PRDM16: variants seen among roughly 807,000 people sequenced by gnomAD.
PRDM16 encodes the protein histone-lysine N-methyltransferase PRDM16.
PRDM16 carries 23 observed loss-of-function variants against 110.6 expected under a neutral mutation model. The observed-to-expected ratio is 0.21, with a 90% CI of 0.15 to 0.29. The LOEUF is 0.29. Among genes scored for constraint, PRDM16 ranks in the 10% least tolerant of loss-of-function variants. The pLI, the probability that PRDM16 is intolerant of heterozygous loss-of-function variation, is 1.00. For synonymous variants in PRDM16, 799 were observed against 781.8 expected (o/e 1.02, Z -0.37); for missense variants, 1,615 against 1,794.3 (o/e 0.90, Z 1.81).
chr1:3,288,419 G>A (rs1005225013), intron 3 of PRDM16, among the ~76,000 whole-genome samples: 10 of 152,132 alleles, frequency 6.6e-5, no homozygotes, highest in East Asian at 3.9e-4. Context: ...TATGTCCCAC[G>A]GCTGGAAGGG....
At chr1:3,135,263 A>G (rs1643413213) in intron 1 of PRDM16, among the ~76,000 whole-genome samples, 1 of 151,994 alleles carries the variant, frequency 6.6e-6, no homozygotes, top group Non-Finnish European at 1.5e-5. Context: ...TGGTGGCCCC[A>G]TGGGCAGGGT....
chr1:3,336,476 A>G (rs1381567376), intron 3 of PRDM16, among the ~76,000 whole-genome samples: 7 of 151,622 alleles, frequency 4.6e-5, no homozygotes, highest in Non-Finnish European at 1.0e-4. Context: ...GTGCACATAC[A>G]TACACATGTG....
At chr1:3,116,026 G>A (rs1424565865) in intron 1 of PRDM16, among the ~76,000 whole-genome samples, 2 of 152,174 alleles carry the variant, frequency 1.3e-5, no homozygotes, top group African/African-American at 4.8e-5. Context: ...CAGGGGGCGG[G>A]GCTCGATGGC....
chr1:3,270,896 G>A lies in PRDM16; in HGVS notation c.438+26759G>A, dbSNP rs532473923. On this transcript the variant is annotated intron_variant, in intron 3 of 16. Coordinates refer to ENST00000270722, the MANE Select transcript of PRDM16 (RefSeq NM_022114.4). Reference sequence around the variant, plus strand: ...CAGTCCAGGAGGAGGACCGTTGGGAGGAGGGCAGTACAGAGGAGGACAGTG... The same window carrying A: ...CAGTCCAGGAGGAGGACCGTTGGGAAGAGGGCAGTACAGAGGAGGACAGTG... Among the ~76,000 whole-genome samples, 8 of 152,160 alleles carry A rather than the reference G, an allele frequency of 5.3e-5. No individual in the cohort carries two copies. In the South Asian group the frequency reaches 1.7e-3, roughly 32 times the overall value.
At chr1:3,136,623 G>A (rs1295578265) in intron 1 of PRDM16, among the ~76,000 whole-genome samples, 1 of 152,166 alleles carries the variant, frequency 6.6e-6, no homozygotes, top group African/African-American at 2.4e-5. Context: ...GGGCCACAAA[G>A]GTCGTTTCTC....
At position 3,412,280 on chromosome 1, in the gene PRDM16, G is replaced by A. The variant is rs1389624914; in HGVS notation, c.2083G>A (p.Ala695Thr). 1.2e-6 allele frequency: 2 copies of A among 1,613,420 alleles called. No individual in the cohort carries two copies. Among genetic ancestry groups the A allele is most frequent in the Non-Finnish European group, 1.7e-6 (2 of 1,180,030 alleles). ...ATGAAGDSIK[A>T]IASIAEKYFG... is the part of the protein sequence containing the mutation. Reference sequence around the variant, plus strand: ...GGGCGCCGCCGGGGACTCCATCAAGGCCATCGCATCCATTGCCGAGAAGTA... The same window carrying A: ...GGGCGCCGCCGGGGACTCCATCAAGACCATCGCATCCATTGCCGAGAAGTA... Residue 695 changes from alanine (A) to threonine (T), a missense_variant, in exon 9 of 17, where the codon GCC becomes ACC. By Grantham distance (58) the Ala-to-Thr change is moderately conservative. Coordinates refer to ENST00000270722, the MANE Select transcript of PRDM16 (RefSeq NM_022114.4).
intron 1 of PRDM16, among the ~76,000 whole-genome samples, chr1:3,185,358 G>T (rs1644255434): frequency 6.6e-6 from 1 of 152,128 alleles, no homozygotes; most frequent in South Asian, 2.1e-4. Flanking sequence ...ACCTCAGCAG[G>T]CCTGTTCCTA....
rs1643868642 is a variant in PRDM16 at position 3,157,500 on chromosome 1, A to G, written c.38-28625A>G. Among the ~76,000 whole-genome samples, 1 of 149,756 alleles carries G rather than the reference A, an allele frequency of 6.7e-6. No homozygotes were observed. Among genetic ancestry groups the G allele is most frequent in the African/African-American group, 2.5e-5 (1 of 40,636 alleles). On this transcript the variant is annotated intron_variant, in intron 1 of 16. Transcript: ENST00000270722. The surrounding 1 kb of genome is among the most constrained non-coding windows in gnomAD (Gnocchi z 4.8). ...TTGAAAACAGACATGGGCCAGATCC[A>G]GTTGTTTGGTAGGATAAGGTCTTTA...
At chr1:3,113,063 G>T (rs1207110116) in intron 1 of PRDM16, among the ~76,000 whole-genome samples, 1 of 152,264 alleles carries the variant, frequency 6.6e-6, no homozygotes, top group Non-Finnish European at 1.5e-5. Context: ...AGCAGACCCA[G>T]GGAACAGCCA....
rs1362880632 is a variant in PRDM16 at position 3,370,372 on chromosome 1, A to G, written c.439-14780A>G. 2.0e-5 allele frequency among the ~76,000 whole-genome samples: 3 copies of G among 152,188 alleles called. No individual in the cohort carries two copies. The highest frequency in any genetic ancestry group is 7.2e-5 in the African/African-American group (3 of 41,444). On this transcript the variant is annotated intron_variant, in intron 3 of 16. Transcript: ENST00000270722. This position sits in a 1 kb window ranked among gnomAD's most constrained non-coding sequence, Gnocchi z 4.8. ...GGAAAGGATTTGAAATGGAGGGATG[A>G]AGACAGACCCCTGGGAAACGGAGGC...
intron 1 of PRDM16, among the ~76,000 whole-genome samples, chr1:3,114,128 G>A (rs749934676): frequency 1.5e-4 from 23 of 152,206 alleles, no homozygotes; most frequent in African/African-American, 4.3e-4. Context: ...AGACAGCGGC[G>A]TGTATCTCTG....
At chr1:3,121,670 G>A (rs1643096531) in intron 1 of PRDM16, among the ~76,000 whole-genome samples, 1 of 152,258 alleles carries the variant, frequency 6.6e-6, no homozygotes, top group Non-Finnish European at 1.5e-5. Flanking sequence ...GGGAGGACAG[G>A]GAACCAGCTG....
intron 1 of PRDM16, among the ~76,000 whole-genome samples, chr1:3,097,358 G>A (rs1419110985): frequency 1.3e-5 from 2 of 152,226 alleles, no homozygotes; most frequent in Admixed American, 1.3e-4. Context: ...CAAAGGACCT[G>A]GTGGTGCCCA....
At chr1:3,368,055 G>T (rs988047260) in intron 3 of PRDM16, among the ~76,000 whole-genome samples, 1 of 152,222 alleles carries the variant, frequency 6.6e-6, no homozygotes, top group East Asian at 1.9e-4. Flanking sequence ...ATGCCAGAGG[G>T]CCCAATCCCC....
At chr1:3,419,824 G>A (rs909311804) in intron 12 of PRDM16, among the ~76,000 whole-genome samples, 25 of 151,950 alleles carry the variant, frequency 1.6e-4, no homozygotes, top group African/African-American at 6.0e-4. Flanking sequence ...AGCATCCCCG[G>A]CTGCCCCAGG....
intron 1 of PRDM16, among the ~76,000 whole-genome samples, chr1:3,171,119 C>T (rs1211487245): frequency 1.3e-5 from 2 of 152,212 alleles, no homozygotes; most frequent in African/African-American, 2.4e-5. Context: ...GCTCGGGGCC[C>T]TCTCTCCCTC....
At chr1:3,187,836 A>G (rs972411651) in intron 2 of PRDM16, among the ~76,000 whole-genome samples, 1 of 152,068 alleles carries the variant, frequency 6.6e-6, no homozygotes, top group African/African-American at 2.4e-5. Flanking sequence ...CCCTTTACAG[A>G]GCTGTGGGGG....
chr1:3,225,426 G>A (rs568551899), intron 2 of PRDM16, among the ~76,000 whole-genome samples: 46 of 152,142 alleles, frequency 3.0e-4, no homozygotes, highest in Admixed American at 1.8e-3. Context: ...GCTGGTCCCC[G>A]TCGGCCTCTG....
chr1:3,247,982 C>CCGGGCGGGCT (rs1639830662), intron 3 of PRDM16, among the ~76,000 whole-genome samples: 1 of 152,210 alleles, frequency 6.6e-6, no homozygotes, highest in African/African-American at 2.4e-5. Flanking sequence ...ATCCATCACT[C>CCGGGCGGGCT]CGGGCGCGCA....
Sources: allele counts gnomAD v4.1 joint callset (sites outside exome capture counted in the v4.1 genomes callset), GRCh38; gene constraint gnomAD v4.1.1; non-coding constraint Gnocchi (gnomAD v3.1); transcripts MANE v1.5; gene names NCBI Gene and HGNC (gene_info 2026-07-23, HGNC 2026-07-21).